Variants in SCAF1 observed in about 807,000 individuals in gnomAD.
SCAF1 encodes the protein splicing factor, arginine/serine-rich 19.
In SCAF1, 28 loss-of-function variants were observed where a neutral mutation model predicts 91.2. That is an observed-to-expected ratio of 0.31 (90% CI 0.23 to 0.42). The LOEUF (loss-of-function observed/expected upper bound fraction) is 0.42, where lower values mean the gene tolerates loss of function less well. SCAF1 is among the 10% of genes least tolerant of loss of function. The pLI, the probability that SCAF1 is intolerant of heterozygous loss-of-function variation, is 1.00. For synonymous variants in SCAF1, 1,036 were observed against 833.7 expected, an observed-to-expected ratio of 1.24 and a Z score of -4.18; for missense variants, 1,893 against 1,872.1, an observed-to-expected ratio of 1.01 and a Z score of -0.21.
Position 49,654,344 on chromosome 19 carries a change from T to C in SCAF1, c.3317-5T>C. 6.2e-7 allele frequency: 1 copy of C among 1,613,166 alleles called. No individual in the cohort carries two copies. Among genetic ancestry groups the C allele is most frequent in the Non-Finnish European group, 8.5e-7 (1 of 1,179,748 alleles). ...TTCATGTTGTCACCTCTCTGCCTCC[T>C]GCAGTGACTGCACTTCTCTTCAAGA... On this transcript the variant is annotated splice_region_variant and splice_polypyrimidine_tract_variant and intron_variant, in intron 7 of 10. Transcript: ENST00000360565.
intron 9 of SCAF1, among the ~76,000 whole-genome samples, chr19:49,655,648 G>A (rs1255071687): frequency 3.3e-5 from 5 of 152,090 alleles, no homozygotes; most frequent in South Asian, 2.1e-4. Context: ...TTACAGGTGT[G>A]AGCCACCGTG....
chr19:49,649,784 C>T (rs7258381), intron 6 of SCAF1, among the ~76,000 whole-genome samples: 16,949 of 152,228 alleles, frequency 0.11, 1,095 homozygotes, highest in African/African-American at 0.18. Context: ...CATGAGCCAC[C>T]CCACCCGGCC....
chr19:49,650,645 G>A (rs113117043), intron 6 of SCAF1, among the ~76,000 whole-genome samples: 6 of 152,258 alleles, frequency 3.9e-5, no homozygotes, highest in South Asian at 2.1e-4. Flanking sequence ...GTGCCCTTGG[G>A]GAGGATACTG....
At position 49,651,455 on chromosome 19, in the gene SCAF1, G is replaced by T; in HGVS notation, c.1066G>T (p.Gly356Trp). The T allele has an allele frequency of 6.3e-7, 1 of 1,592,082 alleles. No individual in the cohort carries two copies. Residue 356 changes from glycine (G) to tryptophan (W), a missense_variant, in exon 7 of 11, where the codon GGG (glycine) becomes TGG (tryptophan). Coordinates refer to ENST00000360565, the MANE Select transcript of SCAF1 (RefSeq NM_021228.3). The stretch of plus-strand genomic sequence containing the variant: ...CATGCGCCGGCGGGTCTTCGTGGTG[G>T]GGACCGAGGCAGAGGCTTGTCGGGA... ...GAMRRRVFVV[G>W]TEAEACREGK... is the part of the protein sequence containing the mutation.
chr19:49,654,455 C>G, intron 8 of SCAF1, 24 bp downstream of exon 8: 2 of 1,602,230 alleles, frequency 1.2e-6, no homozygotes, highest in Non-Finnish European at 1.7e-6. Context: ...GGGGAGAGTC[C>G]CTGCCGCCCC....
rs530939657 is a variant in SCAF1 at position 49,652,507 on chromosome 19, G to T, written c.2118G>T (p.Thr706=). ...HDLFAIKRTI[T]VGRLDKSDPR... ...TCTTCGCCATCAAGCGGACCATCAC[G>T]GTGGGCCGGCTTGACAAGTCCGACC... The change falls in exon 7 of 11, where the codon ACG becomes ACT. Residue 706 remains threonine (T), a synonymous_variant. Coordinates refer to ENST00000360565, the MANE Select transcript of SCAF1 (RefSeq NM_021228.3). 2.9e-5 allele frequency: 46 copies of T among 1,581,920 alleles called. No homozygotes were observed. In the South Asian group the frequency reaches 5.1e-4, roughly 17 times the overall value.
At chr19:49,641,656 C>T (rs993055519), upstream of SCAF1, among the ~76,000 whole-genome samples, 2 of 152,166 alleles carry the variant, frequency 1.3e-5, no homozygotes, top group African/African-American at 4.8e-5. Flanking sequence ...CCTATATTGC[C>T]TAGGCTGGCT....
In SCAF1 at chr19:49,658,495, T is replaced by G; in HGVS notation, c.*96T>G. The G allele has an allele frequency of 1.4e-6, 1 of 706,220 alleles. No homozygotes were observed. The highest frequency in any genetic ancestry group is 2.3e-6 in the Non-Finnish European group (1 of 427,424). The allele number at this position is 706,220 out of a possible 1,614,324, so 43.7% of individuals were successfully genotyped here. On this transcript the variant is annotated 3_prime_UTR_variant, in exon 11 of 11. Coordinates refer to ENST00000360565, the MANE Select transcript of SCAF1 (RefSeq NM_021228.3). ...CTCCCTCCCCCGTCAGTGGGATGAC[T>G]GGGGGAGGGTTGCTGCAGGGAAGAG...
Position 49,652,872 on chromosome 19 carries a change from C to G in SCAF1, c.2483C>G (p.Ser828Cys), listed in dbSNP as rs771473435. ...GSSSSSSSCS[S>C]RKVKLQSKVA... ...TCATCCTCGTCGTCCTCCTGTTCTT[C>G]CCGGAAGGTGAAGCTGCAGTCCAAG... The change falls in exon 7 of 11, where the codon TCC becomes TGC. Residue 828 changes from serine (S) to cysteine (C), a missense_variant. By Grantham distance (112) the Ser-to-Cys change is moderately radical. Coordinates refer to ENST00000360565, the MANE Select transcript of SCAF1 (RefSeq NM_021228.3). 2.5e-6 allele frequency: 4 copies of G among 1,614,040 alleles called. No individual in the cohort carries two copies. Among genetic ancestry groups the G allele is most frequent in the Non-Finnish European group, 8.5e-7 (1 of 1,180,002 alleles).
Position 49,646,868 on chromosome 19 carries a change from G to A in SCAF1, c.478+38G>A, listed in dbSNP as rs901925530. On this transcript the variant is annotated intron_variant, in intron 6 of 10. Coordinates refer to ENST00000360565, the MANE Select transcript of SCAF1 (RefSeq NM_021228.3). The surrounding 1 kb of genome is among the most constrained non-coding windows in gnomAD (Gnocchi z 5.6). ...AGGGCGGAGCTGGGCAGGTGGTCGT[G>A]GAGTTGTGTGGGGATCGGCTGTTTT... is the stretch of plus-strand genomic sequence containing the variant. The A allele has an allele frequency of 1.3e-6, 2 of 1,508,758 alleles. No individual in the cohort carries two copies. Among genetic ancestry groups the A allele is most frequent in the African/African-American group, 1.4e-5 (1 of 72,330 alleles). 93.5% of individuals were successfully genotyped at this position (1,508,758 alleles called of 1,614,324 possible). A position where few individuals can be genotyped will look rare whatever the true frequency, so the allele number is the denominator to read the frequency against.
rs1195673373 is a variant in SCAF1 at position 49,646,944 on chromosome 19, C to T, written c.478+114C>T. ...GTTATTTAGACAAAACCTTTCCCTT[C>T]TCTTCGTATTAGACGTGATTAAGGC... On this transcript the variant is annotated intron_variant, in intron 6 of 10. Coordinates refer to ENST00000360565, the MANE Select transcript of SCAF1 (RefSeq NM_021228.3). The surrounding 1 kb of genome is among the most constrained non-coding windows in gnomAD (Gnocchi z 5.6). The T allele has an allele frequency of 1.5e-5, 11 of 749,366 alleles. No individual in the cohort carries two copies. The Admixed American group carries it at 2.5e-4, about 17-fold the overall frequency. 46.4% of individuals were successfully genotyped at this position (749,366 alleles called of 1,614,324 possible).
In SCAF1 at chr19:49,651,008, T is replaced by TTCC; in HGVS notation, c.619_620insTCC (p.Ser207delinsPhePro). The TTCC allele has an allele frequency of 6.9e-6, 4 of 583,744 alleles. No individual in the cohort carries two copies. Among genetic ancestry groups the TTCC allele is most frequent in the South Asian group, 2.0e-5 (1 of 50,492 alleles). 36.2% of individuals were successfully genotyped at this position (583,744 alleles called of 1,614,324 possible). On this transcript the variant is annotated protein_altering_variant, in exon 7 of 11. Transcript: ENST00000360565. The stretch of plus-strand genomic sequence containing the variant: ...CCCTTCTCCCTCATCTTCCTCCCCT[T>TTCC]CCCCTCCCCCACCCCCACCGCCCCC...
At position 49,651,601 on chromosome 19, in the gene SCAF1, G is replaced by T. The variant is rs1289197431; in HGVS notation, c.1212G>T (p.Arg404Ser). Residue 404 changes from arginine to serine, a missense_variant, in exon 7 of 11, where the codon AGG (arginine) becomes AGT (serine). Arg to Ser is a moderately radical substitution (Grantham distance 110). Around this residue, in one of 5 missense-constraint regions of SCAF1, gnomAD observed 1,436 missense variants for 1,306.8 expected, o/e 1.10. Transcript: ENST00000360565. Reference sequence around the variant, plus strand: ...TCGTCCAGCCGGAGGAGGAGCCCAGGCTGGCGCTGTCCCTCTTCCGCCCCG... The same window carrying T: ...TCGTCCAGCCGGAGGAGGAGCCCAGTCTGGCGCTGTCCCTCTTCCGCCCCG... ...GEIVQPEEEP[R>S]LALSLFRPGG... 3.3e-6 allele frequency: 5 copies of T among 1,525,592 alleles called. No individual in the cohort carries two copies. Among genetic ancestry groups the T allele is most frequent in the Non-Finnish European group, 4.4e-6 (5 of 1,137,294 alleles). The allele number at this position is 1,525,592 out of a possible 1,614,324, so 94.5% of individuals were successfully genotyped here.
chr19:49,651,563 G>T lies in SCAF1; in HGVS notation c.1174G>T (p.Glu392Ter). The change falls in exon 7 of 11, where the codon GAG (glutamate) becomes TAG (stop). Residue 392 changes from glutamate to a stop codon, truncating the protein, a stop_gained. Coordinates refer to ENST00000360565, the MANE Select transcript of SCAF1 (RefSeq NM_021228.3). LOFTEE classifies it high-confidence loss of function. The part of the protein sequence containing the change: ...PLLPPGDSEI[E>*]EGEIVQPEEE... ...GCTGCCGCCCGGCGACTCGGAGATC[G>T]AGGAAGGGGAGATCGTCCAGCCGGA... The T allele has an allele frequency of 6.4e-7, 1 of 1,553,974 alleles. No individual in the cohort carries two copies. The highest frequency in any genetic ancestry group is 8.7e-7 in the Non-Finnish European group (1 of 1,150,814).
rs1010918777 is a variant in SCAF1 at position 49,646,170 on chromosome 19, T to A, written c.229T>A (p.Ser77Thr). 16 of 1,609,432 alleles carry A rather than the reference T, an allele frequency of 9.9e-6. No individual in the cohort carries two copies. Among genetic ancestry groups the A allele is most frequent in the Non-Finnish European group, 1.4e-5 (16 of 1,179,680 alleles). The part of the protein sequence containing the change: ...RCRSPRSEPR[S>T]QESGGTDTAT... ...CCGGAGTCCACGGTCAGAGCCCCGT[T>A]CCCAGGAATCAGGGGGCACTGACAC... The change falls in exon 4 of 11, where the codon TCC (serine) becomes ACC (threonine). Residue 77 changes from serine (S) to threonine (T), a missense_variant. Coordinates refer to ENST00000360565, the MANE Select transcript of SCAF1 (RefSeq NM_021228.3). This position sits in a 1 kb window ranked among gnomAD's most constrained non-coding sequence, Gnocchi z 5.6.
At position 49,650,952 on chromosome 19, in the gene SCAF1, CT is replaced by C; in HGVS notation, c.564del (p.Ala189ProfsTer122). 6.4e-7 allele frequency: 1 copy of C among 1,551,044 alleles called. No homozygotes were observed. The highest frequency in any genetic ancestry group is 8.8e-7 in the Non-Finnish European group (1 of 1,139,524). ...GTGDGGPAPP[P>X]APSSASSSPS... ...GGAGACGGGGGCCCTGCCCCACCCC[CT>C]GCCCCCTCCTCTGCATCCTCCTCCC... On this transcript the variant is annotated frameshift_variant, in exon 7 of 11. Transcript: ENST00000360565. LOFTEE classifies it high-confidence loss of function.
At chr19:49,644,201 G>A (rs185145418) in intron 1 of SCAF1, among the ~76,000 whole-genome samples, 5 of 152,292 alleles carry the variant, frequency 3.3e-5, no homozygotes, top group Admixed American at 2.0e-4. Context: ...TAGCAGATTT[G>A]ACAGTCATGG....
Position 49,652,878 on chromosome 19 carries a change from A to T in SCAF1, c.2489A>T (p.Lys830Met). Reference sequence around the variant, plus strand: ...TCGTCGTCCTCCTGTTCTTCCCGGAAGGTGAAGCTGCAGTCCAAGGTGGCG... The same window carrying T: ...TCGTCGTCCTCCTGTTCTTCCCGGATGGTGAAGCTGCAGTCCAAGGTGGCG... ...SSSSSSCSSR[K>M]VKLQSKVAVL... Residue 830 changes from lysine (K) to methionine (M), a missense_variant, in exon 7 of 11, where the codon AAG (lysine) becomes ATG (methionine). Physicochemically the swap from Lys to Met is moderately conservative, Grantham distance 95. This residue lies in a region of SCAF1 where 1,436 missense variants were observed against 1,306.8 expected (regional missense o/e 1.10). Transcript: ENST00000360565. 6.2e-7 allele frequency: 1 copy of T among 1,614,016 alleles called. No homozygotes were observed. The highest frequency in any genetic ancestry group is 8.5e-7 in the Non-Finnish European group (1 of 1,179,990).
intron 6 of SCAF1, among the ~76,000 whole-genome samples, chr19:49,649,785 C>A (rs1181650076): frequency 6.6e-6 from 1 of 152,034 alleles, no homozygotes; most frequent in East Asian, 1.9e-4. Context: ...ATGAGCCACC[C>A]CACCCGGCCA....
Sources: allele counts gnomAD v4.1 joint callset (sites outside exome capture counted in the v4.1 genomes callset), GRCh38; gene constraint gnomAD v4.1.1; regional missense constraint gnomAD v4.1.1; non-coding constraint Gnocchi (gnomAD v3.1); transcripts MANE v1.5; gene names NCBI Gene and HGNC (gene_info 2026-07-23, HGNC 2026-07-21).